SGCZ: variants seen among roughly 807,000 people sequenced by gnomAD.
SGCZ encodes sarcoglycan zeta, also known as zeta-sarcoglycan.
SGCZ carries 40 observed loss-of-function variants against 41.3 expected under a neutral mutation model. The ratio of observed to expected loss-of-function variants is 0.97; its 90% confidence interval spans 0.75 to 1.26. The LOEUF is 1.26. Ranked by LOEUF, SGCZ falls within the 50% of genes most tolerant of loss-of-function variation. SGCZ has a pLI of 0.00. For synonymous variants in SGCZ, 206 were observed against 137.5 expected, an observed-to-expected ratio of 1.50 and a Z score of -3.49; for missense variants, 552 against 369.8, an observed-to-expected ratio of 1.49 and a Z score of -4.04.
intron 1 of SGCZ, among the ~76,000 whole-genome samples, chr8:14,738,538 C>G (rs1426722738): frequency 6.6e-6 from 1 of 152,044 alleles, no homozygotes; most frequent in Non-Finnish European, 1.5e-5. Flanking sequence ...GAGCAGTGTA[C>G]CTAGCTCGTA....
At chr8:14,886,013 ATAT>A (rs1804785584) in intron 1 of SGCZ, among the ~76,000 whole-genome samples, 5 of 121,066 alleles carry the variant, frequency 4.1e-5, no homozygotes, top group Non-Finnish European at 7.1e-5. Context: ...ATATATATAT[ATAT>A]ATATATATAT....
intron 4 of SGCZ, among the ~76,000 whole-genome samples, chr8:14,234,545 C>T (rs899335415): frequency 1.5e-4 from 23 of 152,074 alleles, no homozygotes; most frequent in African/African-American, 4.6e-4. Context: ...AATTGTTTTA[C>T]TTAGAAAATG....
At chr8:14,669,073 G>T (rs1808010604) in intron 1 of SGCZ, among the ~76,000 whole-genome samples, 1 of 151,920 alleles carries the variant, frequency 6.6e-6, no homozygotes, top group Non-Finnish European at 1.5e-5. Context: ...AGTGGCTCAG[G>T]CCTGTAATCC....
intron 1 of SGCZ, among the ~76,000 whole-genome samples, chr8:15,031,679 G>C (rs1207978336): frequency 6.6e-6 from 1 of 152,128 alleles, no homozygotes; most frequent in Non-Finnish European, 1.5e-5. Context: ...ACAGAGCCTT[G>C]CTGTCAACTA....
At chr8:14,806,831 A>T (rs1165632265) in intron 1 of SGCZ, among the ~76,000 whole-genome samples, 2 of 151,916 alleles carry the variant, frequency 1.3e-5, no homozygotes, top group Non-Finnish European at 2.9e-5. Flanking sequence ...AAAAATCCTC[A>T]ATAAAATACT....
intron 5 of SGCZ, among the ~76,000 whole-genome samples, chr8:14,123,216 G>C (rs1353405126): frequency 2.0e-5 from 3 of 152,166 alleles, no homozygotes; most frequent in South Asian, 4.1e-4. Flanking sequence ...TAAACAGACT[G>C]ATTCTGAAAG....
intron 1 of SGCZ, among the ~76,000 whole-genome samples, chr8:14,877,435 T>C (rs1234569364): frequency 2.6e-5 from 4 of 152,214 alleles, no homozygotes; most frequent in Non-Finnish European, 5.9e-5. Flanking sequence ...CACTTATTTA[T>C]TTTATTGAAA....
chr8:14,653,943 T>C (rs1807480711), intron 1 of SGCZ, among the ~76,000 whole-genome samples: 1 of 152,250 alleles, frequency 6.6e-6, no homozygotes, highest in East Asian at 1.9e-4. Context: ...AAAAGACAGA[T>C]TTGTTTTTGT....
At chr8:14,486,909 A>G (rs151034867) in intron 2 of SGCZ, among the ~76,000 whole-genome samples, 115 of 152,360 alleles carry the variant, frequency 7.5e-4, no homozygotes, top group African/African-American at 2.6e-3. Context: ...GGAATCTAAC[A>G]GAATCCTGAA....
chr8:14,188,045 G>C, intron 4 of SGCZ, among the ~76,000 whole-genome samples: 1 of 151,980 alleles, frequency 6.6e-6, no homozygotes, highest in Non-Finnish European at 1.5e-5. Flanking sequence ...TATTCAAAGT[G>C]TTCAGATTTA....
At chr8:14,864,511 A>G (rs1230332170) in intron 1 of SGCZ, among the ~76,000 whole-genome samples, 1 of 152,202 alleles carries the variant, frequency 6.6e-6, no homozygotes, top group African/African-American at 2.4e-5. Context: ...GAATAAATTA[A>G]TGTTCCTGTC....
chr8:15,136,503 C>G (rs1366145994), intron 1 of SGCZ, among the ~76,000 whole-genome samples: 1 of 151,930 alleles, frequency 6.6e-6, no homozygotes, highest in Non-Finnish European at 1.5e-5. Context: ...GGCTGAGTCC[C>G]CACCCAAATC....
At chr8:14,967,992 G>C (rs891536310) in intron 1 of SGCZ, among the ~76,000 whole-genome samples, 5 of 151,922 alleles carry the variant, frequency 3.3e-5, no homozygotes, top group Admixed American at 3.3e-4. Context: ...TAAATGAATG[G>C]GCAATGCAAT....
chr8:15,015,782 T>A (rs866264209), intron 1 of SGCZ, among the ~76,000 whole-genome samples: 93 of 135,540 alleles, frequency 6.9e-4, no homozygotes, highest in African/African-American at 2.3e-3. Flanking sequence ...GTTTAAGCAA[T>A]AAGAAATAGC....
intron 2 of SGCZ, among the ~76,000 whole-genome samples, chr8:14,507,280 A>G (rs1238335852): frequency 6.6e-6 from 1 of 152,000 alleles, no homozygotes; most frequent in African/African-American, 2.4e-5. Context: ...TCTTTCTTAC[A>G]CTCCCATAGC....
chr8:14,941,673 T>C (rs1344624408), intron 1 of SGCZ, among the ~76,000 whole-genome samples: 1 of 151,970 alleles, frequency 6.6e-6, no homozygotes, highest in Non-Finnish European at 1.5e-5. Flanking sequence ...AAAAATGGTA[T>C]TGTTGCCTAT....
chr8:14,898,072 G>A (rs1427010999), intron 1 of SGCZ, among the ~76,000 whole-genome samples: 1 of 151,610 alleles, frequency 6.6e-6, no homozygotes, highest in African/African-American at 2.4e-5. Context: ...ATCCAATAAG[G>A]AACTCTGAGA....
At position 14,662,911 on chromosome 8, in the gene SGCZ, T is replaced by A. The variant is rs1045911830; in HGVS notation, c.40-107985A>T. On this transcript the variant is annotated intron_variant, in intron 1 of 7. Transcript: ENST00000382080. ...TCATGAGCCAAGGGATGTGACAGTC[T>A]CTAGAAGATAGAAATGGGTTTCAGC... 6.6e-5 allele frequency among the ~76,000 whole-genome samples: 10 copies of A among 152,164 alleles called. No homozygotes were observed. The East Asian group carries it at 1.9e-3, about 30-fold the overall frequency.
At position 14,837,539 on chromosome 8, in the gene SGCZ, A is replaced by G. The variant is rs144015906; in HGVS notation, c.40-282613T>C. On this transcript the variant is annotated intron_variant, in intron 1 of 7. Transcript: ENST00000382080. ...AGGTGTGTCCATGTGGCAAGTTTCT[A>G]TATGTACAATGGAGGCAAAACTGGT... Among the ~76,000 whole-genome samples, 118 of 152,296 alleles carry G rather than the reference A, an allele frequency of 7.7e-4. 2 individuals are homozygous for G. In the East Asian group the frequency reaches 0.021, roughly 27 times the overall value.
Sources: gnomAD v4.1 joint callset for allele counts (sites outside exome capture counted in the v4.1 genomes callset) on GRCh38, gnomAD v4.1.1 for gene constraint, MANE v1.5 for transcripts, NCBI Gene and HGNC (gene_info 2026-07-23, HGNC 2026-07-21) for gene names.